SHISA9: variants seen among roughly 807,000 people sequenced by gnomAD.
SHISA9 encodes shisa family member 9.
In SHISA9, 13 loss-of-function variants were observed where a neutral mutation model predicts 38.0. The ratio of observed to expected loss-of-function variants is 0.34; its 90% CI spans 0.22 to 0.54. SHISA9 has a LOEUF of 0.54. SHISA9 is among the 20% of genes least tolerant of loss of function. SHISA9 has a pLI of 0.91. For missense variants in SHISA9, 538 were observed against 575.8 expected (o/e 0.93, Z 0.67); for synonymous variants, 275 against 242.0 (o/e 1.14, Z -1.27).
chr16:13,498,407 G>T, the SHISA9 span, among the ~76,000 whole-genome samples: 1 of 152,280 alleles, frequency 6.6e-6, no homozygotes, highest in East Asian at 1.9e-4. Flanking sequence ...AGTTTCAAAA[G>T]TCTTAAAAAT....
At chr16:13,479,087 C>G in the SHISA9 span, among the ~76,000 whole-genome samples, 1 of 152,134 alleles carries the variant, frequency 6.6e-6, no homozygotes, top group Admixed American at 6.5e-5. Flanking sequence ...GAATCCCATT[C>G]CTTGCCTTTT....
intron 3 of SHISA9, among the ~76,000 whole-genome samples, chr16:13,212,709 A>C (rs1401756016): frequency 6.6e-6 from 1 of 152,196 alleles, no homozygotes; most frequent in East Asian, 1.9e-4. Context: ...TGTGTTAGGT[A>C]CTGTGGTAAG....
the SHISA9 span, among the ~76,000 whole-genome samples, chr16:13,360,374 G>A: frequency 2.0e-5 from 3 of 152,148 alleles, no homozygotes; most frequent in African/African-American, 7.2e-5. Flanking sequence ...TTGAATTGTA[G>A]TTCTCATAAT....
the SHISA9 span, among the ~76,000 whole-genome samples, chr16:13,343,776 T>C: frequency 6.6e-6 from 1 of 152,148 alleles, no homozygotes; most frequent in Non-Finnish European, 1.5e-5. Flanking sequence ...CTAATTATAT[T>C]AGGCATCATG....
At chr16:13,256,937 A>G in the SHISA9 span, among the ~76,000 whole-genome samples, 4 of 152,312 alleles carry the variant, frequency 2.6e-5, no homozygotes, top group East Asian at 7.7e-4. Flanking sequence ...ACATACACAC[A>G]ATATGTTTGA....
chr16:13,406,156 C>A, the SHISA9 span, among the ~76,000 whole-genome samples: 3 of 152,122 alleles, frequency 2.0e-5, no homozygotes, highest in African/African-American at 7.2e-5. Context: ...TGCAAAAATT[C>A]ACCAAAAGTT....
the SHISA9 span, among the ~76,000 whole-genome samples, chr16:13,288,945 G>C: frequency 3.9e-5 from 6 of 152,128 alleles, no homozygotes; most frequent in Non-Finnish European, 7.4e-5. Context: ...GGGAGTGAAG[G>C]CTTCAATATA....
intron 2 of SHISA9, among the ~76,000 whole-genome samples, chr16:13,056,380 A>G (rs2073311152): frequency 6.6e-6 from 1 of 152,192 alleles, no homozygotes; most frequent in South Asian, 2.1e-4. Flanking sequence ...CCTGAAGGCA[A>G]GGAGATAAAG....
chr16:13,512,989 G>C, the SHISA9 span, among the ~76,000 whole-genome samples: 2 of 152,020 alleles, frequency 1.3e-5, no homozygotes, highest in Non-Finnish European at 2.9e-5. Flanking sequence ...CAATTGCAAC[G>C]GAAGCCAAAA....
At chr16:13,417,812 G>A in the SHISA9 span, among the ~76,000 whole-genome samples, 4 of 152,138 alleles carry the variant, frequency 2.6e-5, no homozygotes, top group African/African-American at 7.2e-5. Context: ...TAATGCCAAC[G>A]GGCAGAGAAG....
In SHISA9 at chr16:13,021,419, T is replaced by C. The variant is rs188408904; in HGVS notation, c.691+104604T>C. On this transcript the variant is annotated intron_variant, in intron 2 of 4. Transcript: ENST00000558583. ...TTCTCCTGAGAGTGCATTTACCACA[T>C]AGAGATGGAAGCCGAAGAGTCTCCC... is the stretch of plus-strand genomic sequence containing the variant. Among the ~76,000 whole-genome samples the C allele has an allele frequency of 6.4e-3, 978 of 152,162 alleles. 12 individuals carry two copies. The highest frequency in any genetic ancestry group is 0.023 in the African/African-American group (939 of 41,518).
chr16:13,485,500 T>C, the SHISA9 span, among the ~76,000 whole-genome samples: 2 of 152,226 alleles, frequency 1.3e-5, no homozygotes, highest in African/African-American at 4.8e-5. Context: ...TTTATTGATA[T>C]ATAACAATTG....
At chr16:13,144,579 G>T (rs551780023) in intron 2 of SHISA9, among the ~76,000 whole-genome samples, 1 of 152,066 alleles carries the variant, frequency 6.6e-6, no homozygotes, top group African/African-American at 2.4e-5. Context: ...TTACGAGGTC[G>T]GGGAAAGAAG....
rs533911697 is a variant in SHISA9 at position 13,151,282 on chromosome 16, T to A, written c.692-52112T>A. Among the ~76,000 whole-genome samples the A allele has an allele frequency of 2.6e-5, 4 of 152,250 alleles. No individual in the cohort carries two copies. In the East Asian group the frequency reaches 7.7e-4, roughly 29 times the overall value. Reference sequence around the variant, plus strand: ...CCACCACACCTGGCTAATTTTTGTATTTTTAGTAGAGATGGGGTTTCACCA... The same window carrying A: ...CCACCACACCTGGCTAATTTTTGTAATTTTAGTAGAGATGGGGTTTCACCA... On this transcript the variant is annotated intron_variant, in intron 2 of 4. Transcript: ENST00000558583.
At chr16:13,503,644 C>T in the SHISA9 span, among the ~76,000 whole-genome samples, 41 of 149,514 alleles carry the variant, frequency 2.7e-4, no homozygotes, top group Admixed American at 1.1e-3. Context: ...TTGTACTGAT[C>T]GAAATAAGTC....
At chr16:13,373,887 C>G in the SHISA9 span, among the ~76,000 whole-genome samples, 1 of 152,054 alleles carries the variant, frequency 6.6e-6, no homozygotes, top group Non-Finnish European at 1.5e-5. Flanking sequence ...GATCTCATAA[C>G]ACGTTCATAT....
the SHISA9 span, among the ~76,000 whole-genome samples, chr16:13,310,686 T>C: frequency 9.3e-3 from 1,347 of 144,386 alleles, 25 homozygotes; most frequent in African/African-American, 0.033. Flanking sequence ...TTTTTATGCT[T>C]TTTTTTTTTT....
the SHISA9 span, among the ~76,000 whole-genome samples, chr16:13,424,454 C>G: frequency 6.6e-6 from 1 of 152,220 alleles, no homozygotes; most frequent in Non-Finnish European, 1.5e-5. Context: ...CAAGGCAACA[C>G]TAGCAGAAGG....
chr16:13,210,687 C>A lies in SHISA9; in HGVS notation c.848-2566C>A, dbSNP rs551377688. On this transcript the variant is annotated intron_variant, in intron 3 of 4. Transcript: ENST00000558583. ...TTCAAGTTAGGGCAGAAAGGGGGCTCACATCACTGAGCTCATAAACAGCAC... is the reference window on the plus strand; with the variant it reads ...TTCAAGTTAGGGCAGAAAGGGGGCTAACATCACTGAGCTCATAAACAGCAC... 1.3e-3 allele frequency among the ~76,000 whole-genome samples: 197 copies of A among 152,310 alleles called. 1 individual carries two copies. The highest frequency in any genetic ancestry group is 4.6e-3 in the African/African-American group (191 of 41,566).
Sources: allele counts gnomAD v4.1 joint callset (sites outside exome capture counted in the v4.1 genomes callset), GRCh38; gene constraint gnomAD v4.1.1; transcripts MANE v1.5; gene names NCBI Gene and HGNC (gene_info 2026-07-23, HGNC 2026-07-21).